Variants in LDB3 observed in about 807,000 individuals in gnomAD.
The protein encoded by LDB3 is LIM domain-binding protein 3.
In LDB3, 49 loss-of-function variants were observed where a neutral mutation model predicts 69.0. The observed-to-expected ratio is 0.71, with a 90% CI of 0.56 to 0.90. The LOEUF (loss-of-function observed/expected upper bound fraction) is 0.90. Ranked by LOEUF, LDB3 falls within the 40% of genes least tolerant of loss-of-function variation. The pLI is 0.00. For synonymous variants in LDB3, 387 were observed against 396.2 expected (o/e 0.98, Z 0.28); for missense variants, 928 against 974.1 (o/e 0.95, Z 0.63).
At chr10:86,722,770 T>C (rs1370584240) in intron 12 of LDB3, among the ~76,000 whole-genome samples, 1 of 150,672 alleles carries the variant, frequency 6.6e-6, no homozygotes, top group Non-Finnish European at 1.5e-5. Context: ...GATTTCACCA[T>C]CTTGGCCAGG....
At chr10:86,722,933 G>A (rs1216947292) in intron 12 of LDB3, among the ~76,000 whole-genome samples, 1 of 151,950 alleles carries the variant, frequency 6.6e-6, no homozygotes, top group Non-Finnish European at 1.5e-5. Context: ...TATTTAATTA[G>A]GTTGTTTGAA....
At chr10:86,709,060 G>C (rs760396466) in intron 8 of LDB3, among the ~76,000 whole-genome samples, 2 of 152,204 alleles carry the variant, frequency 1.3e-5, no homozygotes, top group Non-Finnish European at 2.9e-5. Flanking sequence ...TGAAAGACCA[G>C]GGATGTGTTC....
In LDB3 at chr10:86,699,545, T is replaced by C. The variant is rs562041218; in HGVS notation, c.896+6974T>C. On this transcript the variant is annotated intron_variant, in intron 7 of 13. Transcript: ENST00000361373. The surrounding 1 kb of genome is among the most constrained non-coding windows in gnomAD (Gnocchi z 4.9). ...TGTCCTCTGCCCACCCCAGAGCTGA[T>C]GCTGGGGCCCAGCCCCCTGCAGCTC... 2.7e-5 allele frequency: 40 copies of C among 1,479,036 alleles called. 1 individual carries two copies. The South Asian group carries it at 4.9e-4, about 18-fold the overall frequency. 91.6% of individuals were successfully genotyped at this position (1,479,036 alleles called of 1,614,324 possible). A position where few individuals can be genotyped will look rare whatever the true frequency, so the allele number is the denominator to read the frequency against.
chr10:86,708,877 A>G (rs1846539560), intron 8 of LDB3, among the ~76,000 whole-genome samples: 1 of 152,004 alleles, frequency 6.6e-6, no homozygotes, highest in Admixed American at 6.6e-5. Flanking sequence ...AGAGGAAGGC[A>G]CTCCTCATCC....
intron 9 of LDB3, among the ~76,000 whole-genome samples, chr10:86,713,334 C>T (rs561989678): frequency 9.1e-4 from 138 of 152,168 alleles, no homozygotes; most frequent in African/African-American, 3.3e-3. Context: ...GCAACCTCCA[C>T]CTCCCGGGTT....
intron 10 of LDB3, 27 bp from the exon 11 acceptor site, chr10:86,717,937 A>T: frequency 6.2e-7 from 1 of 1,611,872 alleles, no homozygotes; most frequent in Non-Finnish European, 8.5e-7. Context: ...GAGCTGCCTT[A>T]CTGGGTGCCA....
intron 2 of LDB3, among the ~76,000 whole-genome samples, chr10:86,678,031 A>C (rs960393899): frequency 2.7e-5 from 4 of 150,674 alleles, no homozygotes; most frequent in Non-Finnish European, 5.9e-5. Context: ...AATAGCCTGC[A>C]GTTTTTTGTT....
chr10:86,693,380 T>C (rs1327875125), intron 7 of LDB3, among the ~76,000 whole-genome samples: 3 of 152,206 alleles, frequency 2.0e-5, no homozygotes, highest in Non-Finnish European at 2.9e-5. Context: ...CTTGGGCCAG[T>C]GCATCCTGTG....
At chr10:86,676,249 C>G (rs1174332116) in intron 2 of LDB3, among the ~76,000 whole-genome samples, 1 of 152,090 alleles carries the variant, frequency 6.6e-6, no homozygotes, top group Non-Finnish European at 1.5e-5. Context: ...GCTGTGGGCA[C>G]AAGGTGGCCA....
chr10:86,710,107 C>A (rs1323564979), intron 9 of LDB3, 57 bp downstream of exon 9: 2 of 1,598,230 alleles, frequency 1.3e-6, no homozygotes, highest in Admixed American at 1.7e-5. Flanking sequence ...CTCCAGGAGC[C>A]ACAAGAGCCA....
upstream of LDB3, chr10:86,666,877 G>T: frequency 2.1e-6 from 1 of 469,866 alleles, no homozygotes. Context: ...CCCTGGCCCT[G>T]AGGGTGGGTG....
intron 12 of LDB3, 47 bp downstream of exon 12, chr10:86,718,894 A>G: frequency 2.5e-6 from 4 of 1,612,394 alleles, no homozygotes; most frequent in Non-Finnish European, 3.4e-6. Context: ...AGCCTGGGAG[A>G]AAGGGGCAGG....
chr10:86,698,541 T>C (rs1846107703), intron 7 of LDB3, among the ~76,000 whole-genome samples: 1 of 152,182 alleles, frequency 6.6e-6, no homozygotes, highest in African/African-American at 2.4e-5. Context: ...TTGCCTGCTC[T>C]GTACTGTGGC....
chr10:86,706,747 A>G, intron 8 of LDB3, 28 bp downstream of exon 8: 1 of 1,590,180 alleles, frequency 6.3e-7, no homozygotes, highest in Non-Finnish European at 8.6e-7. Flanking sequence ...GCTGGGCCTG[A>G]CCCTGGGGAA....
In LDB3 at chr10:86,718,088, T is replaced by A. The variant is rs1304146644; in HGVS notation, c.1801T>A (p.Cys601Ser). 1 of 1,614,150 alleles carries A rather than the reference T, an allele frequency of 6.2e-7. No individual in the cohort carries two copies. Among genetic ancestry groups the A allele is most frequent in the Non-Finnish European group, 8.5e-7 (1 of 1,180,036 alleles). ...GCAGAACAACGTTTACTGTGAGCGA[T>A]GTTATGAGCAATTCTTTGCCCCGCT... The part of the protein sequence containing the change: ...EEQNNVYCER[C>S]YEQFFAPLCA... The change falls in exon 11 of 14, where the codon TGT (cysteine) becomes AGT (serine). Residue 601 changes from cysteine (C) to serine (S), a missense_variant. Cys to Ser is a moderately radical substitution (Grantham distance 112, BLOSUM62 -1). Transcript: ENST00000361373.
intron 8 of LDB3, among the ~76,000 whole-genome samples, 157 bp downstream of exon 8, chr10:86,706,876 G>A (rs1206603072): frequency 6.6e-6 from 1 of 152,214 alleles, no homozygotes; most frequent in African/African-American, 2.4e-5. Flanking sequence ...GTGTGAAGGG[G>A]AAACTGAGGG....
chr10:86,666,952 A>G (rs1844209188), upstream of LDB3: 1 of 439,766 alleles, frequency 2.3e-6, no homozygotes, highest in Non-Finnish European at 4.7e-6. Flanking sequence ...AGGATGGACA[A>G]ACACCCCTAG....
At chr10:86,696,882 G>C (rs1162270838) in intron 7 of LDB3, among the ~76,000 whole-genome samples, 1 of 152,222 alleles carries the variant, frequency 6.6e-6, no homozygotes, top group Admixed American at 6.5e-5. Flanking sequence ...TGTGGCTTTA[G>C]GTCATTCATG....
In LDB3 at chr10:86,733,636, C is replaced by G. The variant is rs1847547350; in HGVS notation, c.*660C>G. 6.5e-6 allele frequency: 1 copy of G among 152,710 alleles called. No homozygotes were observed. Among genetic ancestry groups the G allele is most frequent in the Non-Finnish European group, 1.5e-5 (1 of 68,362 alleles). The allele number at this position is 152,710 out of a possible 1,614,324, so 9.5% of individuals were successfully genotyped here. The stretch of plus-strand genomic sequence containing the variant: ...GCCAGGGCTCCAGGAAGGGCTCTGG[C>G]TCAGGTTGCAGACAGCTGAGAAAAG... On this transcript the variant is annotated 3_prime_UTR_variant, in exon 14 of 14. Transcript: ENST00000361373.
Sources: gnomAD v4.1 joint callset for allele counts (sites outside exome capture counted in the v4.1 genomes callset) on GRCh38, gnomAD v4.1.1 for gene constraint, Gnocchi (gnomAD v3.1) non-coding constraint, MANE v1.5 for transcripts, NCBI Gene and HGNC (gene_info 2026-07-23, HGNC 2026-07-21) for gene names.